Variants in OSBPL6 observed in about 807,000 individuals in gnomAD.
The protein encoded by OSBPL6 is oxysterol binding protein like 6, also known as oxysterol-binding protein-related protein 6.
OSBPL6 carries 49 observed loss-of-function variants against 125.8 expected under a neutral mutation model. The ratio of observed to expected loss-of-function variants is 0.39; its 90% CI spans 0.31 to 0.49. The LOEUF is 0.49. Among genes scored for constraint, OSBPL6 ranks in the 20% least tolerant of loss-of-function variants. The pLI, the probability that OSBPL6 is intolerant of heterozygous loss-of-function variation, is 0.88. For missense variants in OSBPL6, 986 were observed against 1,135.4 expected (o/e 0.87, Z 1.89); for synonymous variants, 394 against 391.8 (o/e 1.01, Z -0.07).
At chr2:178,346,332 C>T (rs1332005777) in intron 11 of OSBPL6, among the ~76,000 whole-genome samples, 1 of 152,186 alleles carries the variant, frequency 6.6e-6, no homozygotes, top group East Asian at 1.9e-4. Context: ...GAGACTTTTC[C>T]CACTGGCTCG....
At chr2:178,257,482 A>C (rs1322724923) in intron 1 of OSBPL6, among the ~76,000 whole-genome samples, 2 of 152,198 alleles carry the variant, frequency 1.3e-5, no homozygotes, top group Non-Finnish European at 2.9e-5. Context: ...AAGTGAATAA[A>C]CTTTTTCTGT....
rs1022444767 is a variant in OSBPL6 at position 178,210,312 on chromosome 2, C to A, written c.-351+15638C>A. Among the ~76,000 whole-genome samples the A allele has an allele frequency of 4.0e-5, 6 of 149,332 alleles. No individual in the cohort carries two copies. The East Asian group carries it at 1.2e-3, about 29-fold the overall frequency. On this transcript the variant is annotated intron_variant, in intron 1 of 24. Transcript: ENST00000190611. ...GGGATTGCAGGCATGAGCCACCACA[C>A]CTGACCTATAAGTAAATTTGACAGT...
At chr2:178,194,375 A>G, upstream of OSBPL6, 1 of 151,580 alleles carries the variant, frequency 6.6e-6, no homozygotes. Context: ...TTGCCGCTCC[A>G]CTCCAGCCGG....
chr2:178,250,586 A>C (rs2091656225), intron 1 of OSBPL6, among the ~76,000 whole-genome samples: 1 of 152,112 alleles, frequency 6.6e-6, no homozygotes, highest in Admixed American at 6.5e-5. Context: ...ACCTTTCTTG[A>C]TTGACAAGGC....
chr2:178,303,381 T>G (rs1047313118), intron 2 of OSBPL6, among the ~76,000 whole-genome samples: 2 of 152,128 alleles, frequency 1.3e-5, no homozygotes, highest in Non-Finnish European at 2.9e-5. Flanking sequence ...TTACAAAAAT[T>G]CCCCCTGTAA....
rs777047453 is a variant in OSBPL6 at position 178,391,117 on chromosome 2, G to A, written c.2346G>A (p.Val782=). The change falls in exon 22 of 25, where the codon GTG becomes GTA. Residue 782 remains valine, a synonymous_variant. Transcript: ENST00000190611. The stretch of plus-strand genomic sequence containing the variant: ...ACATGAATGAAGTCCAGGGGGTGGT[G>A]ATAGATCAGGAGGGGAAGGCGGTGT... The part of the protein sequence containing the change: ...NSNMNEVQGV[V]IDQEGKAVYR... The A allele has an allele frequency of 6.2e-7, 1 of 1,613,974 alleles. No homozygotes were observed. Among genetic ancestry groups the A allele is most frequent in the South Asian group, 1.1e-5 (1 of 91,014 alleles).
chr2:178,363,050 G>C (rs1559295726), intron 13 of OSBPL6, among the ~76,000 whole-genome samples: 1 of 152,278 alleles, frequency 6.6e-6, no homozygotes, highest in East Asian at 1.9e-4. Flanking sequence ...TATTGGTCAA[G>C]TAAACATTCA....
At chr2:178,292,883 T>C (rs1294221758) in intron 2 of OSBPL6, among the ~76,000 whole-genome samples, 2 of 152,154 alleles carry the variant, frequency 1.3e-5, no homozygotes, top group African/African-American at 2.4e-5. Flanking sequence ...TAACACTTGA[T>C]CTGAGAACTG....
intron 4 of OSBPL6, among the ~76,000 whole-genome samples, chr2:178,327,087 A>G (rs1688759478): frequency 6.7e-6 from 1 of 149,150 alleles, no homozygotes; most frequent in African/African-American, 2.6e-5. Context: ...GGGTGCACCA[A>G]AGTCTCAGAA....
chr2:178,365,663 G>A (rs142072336), intron 13 of OSBPL6, among the ~76,000 whole-genome samples: 2,059 of 152,098 alleles, frequency 0.014, 41 homozygotes, highest in African/African-American at 0.048. Flanking sequence ...ATGACAGAGC[G>A]AGACTCTGTC....
chr2:178,271,416 G>T (rs62177256), intron 1 of OSBPL6, among the ~76,000 whole-genome samples: 16,894 of 152,112 alleles, frequency 0.11, 1,077 homozygotes, highest in Non-Finnish European at 0.15. Flanking sequence ...CCTCAAAGCA[G>T]ACTGGGAGAC....
chr2:178,363,197 TCTTG>T (rs1406086383), intron 13 of OSBPL6, among the ~76,000 whole-genome samples: 9 of 152,204 alleles, frequency 5.9e-5, no homozygotes, highest in Non-Finnish European at 1.2e-4. Flanking sequence ...TGCATTTGTT[TCTTG>T]CTTGCCTGCT....
intron 3 of OSBPL6, chr2:178,320,272 G>A (rs2154070286): frequency 1.2e-5 from 19 of 1,610,912 alleles, no homozygotes; most frequent in Non-Finnish European, 1.6e-5. Context: ...GAGGTATTGA[G>A]ATCAATGAAC....
chr2:178,322,959 CTT>C (rs1307174546), intron 3 of OSBPL6, among the ~76,000 whole-genome samples: 1 of 148,816 alleles, frequency 6.7e-6, no homozygotes, highest in African/African-American at 2.5e-5. Flanking sequence ...TCTTTGTAGT[CTT>C]TACAGTAGGG....
intron 1 of OSBPL6, among the ~76,000 whole-genome samples, chr2:178,213,766 AGACT>A (rs1433833549): frequency 2.6e-5 from 4 of 152,258 alleles, no homozygotes. Context: ...ACAACAGCCC[AGACT>A]GACTGGTCAT....
At chr2:178,295,093 A>T (rs1265524027) in intron 2 of OSBPL6, among the ~76,000 whole-genome samples, 1 of 152,130 alleles carries the variant, frequency 6.6e-6, no homozygotes, top group Admixed American at 6.6e-5. Flanking sequence ...TATCTTATTA[A>T]TATTTTTCAA....
At position 178,395,637 on chromosome 2, in the gene OSBPL6, A is replaced by T; in HGVS notation, c.*78A>T. The T allele has an allele frequency of 8.6e-7, 1 of 1,166,378 alleles. No individual in the cohort carries two copies. 72.3% of individuals were successfully genotyped at this position (1,166,378 alleles called of 1,614,324 possible). The stretch of plus-strand genomic sequence containing the variant: ...ATGCACAATTATGTTTCTTATAGCT[A>T]TGTGTGGTTTCTGGGTCAACTGAAA... On this transcript the variant is annotated 3_prime_UTR_variant, in exon 25 of 25. Coordinates refer to ENST00000190611, the MANE Select transcript of OSBPL6 (RefSeq NM_032523.4).
At chr2:178,211,094 A>G (rs1324977070) in intron 1 of OSBPL6, among the ~76,000 whole-genome samples, 1 of 152,162 alleles carries the variant, frequency 6.6e-6, no homozygotes, top group Non-Finnish European at 1.5e-5. Flanking sequence ...CAACATAGCA[A>G]GACCCTGTCT....
At chr2:178,221,502 G>T (rs2090339461) in intron 1 of OSBPL6, among the ~76,000 whole-genome samples, 1 of 152,212 alleles carries the variant, frequency 6.6e-6, no homozygotes, top group Admixed American at 6.5e-5. Flanking sequence ...GGAAATGTAT[G>T]TTAAGTTCTA....
Sources: allele counts gnomAD v4.1 joint callset (sites outside exome capture counted in the v4.1 genomes callset), GRCh38; gene constraint gnomAD v4.1.1; transcripts MANE v1.5; gene names NCBI Gene and HGNC (gene_info 2026-07-23, HGNC 2026-07-21).